PZP: variants seen among roughly 807,000 people sequenced by gnomAD.
PZP encodes the protein PZP alpha-2-macroglobulin like.
PZP carries 150 observed loss-of-function variants against 179.8 expected under a neutral mutation model. The observed-to-expected ratio is 0.83, with a 90% confidence interval of 0.73 to 0.96. The LOEUF (loss-of-function observed/expected upper bound fraction) is 0.96, where lower values mean the gene tolerates loss of function less well. Among genes scored for constraint, PZP ranks in the 40% least tolerant of loss-of-function variants. PZP has a pLI of 0.00. For missense variants in PZP, 1,689 were observed against 1,764.0 expected, an observed-to-expected ratio of 0.96 and a Z score of 0.76; for synonymous variants, 624 against 652.3, an observed-to-expected ratio of 0.96 and a Z score of 0.66.
Position 9,196,605 on chromosome 12 carries a change from A to G in PZP, c.948T>C (p.Leu316=). Residue 316 remains leucine (L), a synonymous_variant, in exon 9 of 36, where the codon CTT becomes CTC. Coordinates refer to ENST00000261336, the MANE Select transcript of PZP (RefSeq NM_002864.3). ...QITNTGFEMK[L]RVEARIREEG... ...CTTCTCTGATCCTGGCTTCCACTCT[A>G]AGCTTCATTTCAAAGCCCGTATTTG... 1.9e-6 allele frequency: 3 copies of G among 1,613,142 alleles called. No individual in the cohort carries two copies. Among genetic ancestry groups the G allele is most frequent in the Non-Finnish European group, 2.5e-6 (3 of 1,179,148 alleles).
intron 15 of PZP, among the ~76,000 whole-genome samples, chr12:9,179,447 C>A (rs1211246941): frequency 6.6e-6 from 1 of 152,024 alleles, no homozygotes; most frequent in African/African-American, 2.4e-5. Flanking sequence ...AGTGTCACCC[C>A]CATGAATTAA....
chr12:9,194,028 T>C, intron 11 of PZP, 49 bp downstream of exon 11: 1 of 1,528,024 alleles, frequency 6.5e-7, no homozygotes, highest in South Asian at 1.2e-5. Flanking sequence ...AATATATCAC[T>C]GTTCCTAACA....
intron 7 of PZP, among the ~76,000 whole-genome samples, chr12:9,198,374 A>G (rs1341069691): frequency 3.3e-5 from 5 of 152,134 alleles, no homozygotes; most frequent in Non-Finnish European, 7.3e-5. Context: ...CTTTTAACCT[A>G]CTTATTTTCT....
rs1220450478 is a variant in PZP at position 9,163,897 on chromosome 12, A to G, written c.2615-108T>C. 4 of 1,397,480 alleles carry G rather than the reference A, an allele frequency of 2.9e-6. No individual in the cohort carries two copies. The East Asian group carries it at 6.9e-5, about 24-fold the overall frequency. The allele number at this position is 1,397,480 out of a possible 1,614,324, so 86.6% of individuals were successfully genotyped here. ...GTCCAGAATAGAAAATAAGGCTAAA[A>G]AAAAAGAAACCCACAAGGTTAATGT... On this transcript the variant is annotated intron_variant, in intron 20 of 35. Coordinates refer to ENST00000261336, the MANE Select transcript of PZP (RefSeq NM_002864.3).
At chr12:9,192,876 A>G in intron 11 of PZP, 137 bp from the exon 12 acceptor site, 1 of 560,718 alleles carries the variant, frequency 1.8e-6, no homozygotes, top group Non-Finnish European at 3.1e-6. Flanking sequence ...TCGACAGCCA[A>G]ATAAATGAAT....
chr12:9,196,336 A>G lies in PZP; in HGVS notation c.1086T>C (p.Phe362=). 1 of 1,605,798 alleles carries G rather than the reference A, an allele frequency of 6.2e-7. No homozygotes were observed. The highest frequency in any genetic ancestry group is 8.5e-7 in the Non-Finnish European group (1 of 1,172,598). The change falls in exon 10 of 36, where the codon TTT becomes TTC. Residue 362 remains phenylalanine, a synonymous_variant. Transcript: ENST00000261336. The stretch of plus-strand genomic sequence containing the variant: ...GCATTACAACATATCTTACCTGTGC[A>G]AAAAAGGGGATTCCTTGTCTAAAGT... ...DSHFRQGIPF[F]AQVLLVDGKG...
Position 9,200,380 on chromosome 12 carries a change from T to A in PZP, c.739A>T (p.Ile247Leu). The A allele has an allele frequency of 6.2e-7, 1 of 1,607,370 alleles. No homozygotes were observed. The highest frequency in any genetic ancestry group is 8.5e-7 in the Non-Finnish European group (1 of 1,174,258). Residue 247 changes from isoleucine to leucine, a missense_variant, in exon 7 of 36, where the codon ATA becomes TTA. Around this residue, in one of 3 missense-constraint regions of PZP, gnomAD observed 742 missense variants for 730.5 expected, o/e 1.02. Coordinates refer to ENST00000261336, the MANE Select transcript of PZP (RefSeq NM_002864.3). ...GTAACTCACTCTCCACAGACTGTTA[T>A]GTTCACTTTTTCATCCATGATACTG... is the stretch of plus-strand genomic sequence containing the variant. The part of the protein sequence containing the change: ...IISIMDEKVN[I>L]TVCGEYTYGK...
chr12:9,194,756 G>A (rs1943671091), intron 10 of PZP, among the ~76,000 whole-genome samples: 1 of 152,106 alleles, frequency 6.6e-6, no homozygotes, highest in South Asian at 2.1e-4. Flanking sequence ...GAGCCACCGT[G>A]CCCGGCCAAA....
intron 13 of PZP, among the ~76,000 whole-genome samples, chr12:9,190,637 C>T (rs1387244973): frequency 6.6e-6 from 1 of 152,058 alleles, no homozygotes; most frequent in Non-Finnish European, 1.5e-5. Context: ...GTACAACAAA[C>T]CCCATGACAC....
At position 9,196,450 on chromosome 12, in the gene PZP, TAA is replaced by T. The variant is rs771578864; in HGVS notation, c.983-13_983-12del. ...CAGTGACTTCCAGGTCTGAAAAATA[TAA>T]AGAGTCAGTACTTTTAGAAGTTACT... On this transcript the variant is annotated splice_polypyrimidine_tract_variant and intron_variant, in intron 9 of 35. Coordinates refer to ENST00000261336, the MANE Select transcript of PZP (RefSeq NM_002864.3). 35 of 1,597,102 alleles carry T rather than the reference TAA, an allele frequency of 2.2e-5. 1 individual carries two copies. The South Asian group carries it at 2.8e-4, about 13-fold the overall frequency.
chr12:9,180,134 A>T (rs1168237706), intron 15 of PZP, among the ~76,000 whole-genome samples: 1 of 152,026 alleles, frequency 6.6e-6, no homozygotes, highest in African/African-American at 2.4e-5. Flanking sequence ...TTATTTATTT[A>T]TTTATTTATT....
chr12:9,172,953 A>G lies in PZP; in HGVS notation c.1840-3362T>C, dbSNP rs746724496. ...AATTAACAAAGATATTTAGGACCTG[A>G]ACTCAACTCTGGATCAAGTGGACCT... On this transcript the variant is annotated intron_variant, in intron 15 of 35. Coordinates refer to ENST00000261336, the MANE Select transcript of PZP (RefSeq NM_002864.3). 2.0e-5 allele frequency among the ~76,000 whole-genome samples: 3 copies of G among 152,366 alleles called. No homozygotes were observed. In the South Asian group the frequency reaches 6.2e-4, roughly 32 times the overall value.
downstream of PZP, among the ~76,000 whole-genome samples, chr12:9,144,414 C>T (rs148061352): frequency 5.3e-5 from 8 of 152,212 alleles, no homozygotes; most frequent in African/African-American, 1.9e-4. Context: ...GGTGGTTGGC[C>T]AGAGACTCTC....
intron 28 of PZP, among the ~76,000 whole-genome samples, chr12:9,155,357 T>G (rs1940672804): frequency 6.6e-6 from 1 of 152,226 alleles, no homozygotes; most frequent in Non-Finnish European, 1.5e-5. Flanking sequence ...CTTCCAGAGT[T>G]AACTACTTCC....
intron 35 of PZP, 113 bp downstream of exon 35, chr12:9,149,448 C>G: frequency 9.5e-7 from 1 of 1,050,114 alleles, no homozygotes; most frequent in Non-Finnish European, 1.4e-6. Flanking sequence ...TGAGGACATG[C>G]CATGTGGATT....
intron 13 of PZP, among the ~76,000 whole-genome samples, chr12:9,184,611 G>A (rs1435867671): frequency 6.6e-6 from 1 of 152,236 alleles, no homozygotes; most frequent in African/African-American, 2.4e-5. Context: ...TGTGAATGAG[G>A]AGGGATCCCA....
At chr12:9,162,337 G>C (rs1941269311) in intron 22 of PZP, 1 of 379,386 alleles carries the variant, frequency 2.6e-6, no homozygotes, top group African/African-American at 2.1e-5. Flanking sequence ...GCAGCCACTG[G>C]GCTATCCAGG....
Position 9,152,326 on chromosome 12 carries a change from A to G in PZP, c.4122-16T>C. Reference sequence around the variant, plus strand: ...TCCTGTGTAACTGTAGTGTCAAAGGAAAAAGAATTTAGGGTTTTATACGTG... The same window carrying G: ...TCCTGTGTAACTGTAGTGTCAAAGGGAAAAGAATTTAGGGTTTTATACGTG... On this transcript the variant is annotated splice_polypyrimidine_tract_variant and intron_variant, in intron 31 of 35. Coordinates refer to ENST00000261336, the MANE Select transcript of PZP (RefSeq NM_002864.3). 1 of 1,595,272 alleles carries G rather than the reference A, an allele frequency of 6.3e-7. No homozygotes were observed. Among genetic ancestry groups the G allele is most frequent in the East Asian group, 2.2e-5 (1 of 44,732 alleles).
Position 9,180,970 on chromosome 12 carries a change from A to G in PZP, c.1839+13T>C, listed in dbSNP as rs1480555858. ...ATGGCCCTTCCTGGTCCCCAAGGCCACTGGAAACTCACTGAGGACACAGAG... is the reference window on the plus strand; with the variant it reads ...ATGGCCCTTCCTGGTCCCCAAGGCCGCTGGAAACTCACTGAGGACACAGAG... On this transcript the variant is annotated intron_variant, in intron 15 of 35. Transcript: ENST00000261336. The G allele has an allele frequency of 1.2e-6, 2 of 1,609,680 alleles. No homozygotes were observed.
Sources: gnomAD v4.1 joint callset for allele counts (sites outside exome capture counted in the v4.1 genomes callset) on GRCh38, gnomAD v4.1.1 for gene constraint, gnomAD v4.1.1 regional missense constraint, MANE v1.5 for transcripts, NCBI Gene and HGNC (gene_info 2026-07-23, HGNC 2026-07-21) for gene names.